ADAM22: variants seen among roughly 807,000 people sequenced by gnomAD.
ADAM22 encodes ADAM metallopeptidase domain 22.
A neutral mutation model predicts 144.6 loss-of-function variants in ADAM22; 65 were observed. That is an observed-to-expected ratio of 0.45 (90% CI 0.37 to 0.55). ADAM22 has a LOEUF of 0.55. Ranked by LOEUF, ADAM22 falls within the 20% of genes least tolerant of loss-of-function variation. The pLI is 0.00. For synonymous variants in ADAM22, 391 were observed against 412.6 expected, an observed-to-expected ratio of 0.95 and a Z score of 0.63; for missense variants, 974 against 1,184.9, an observed-to-expected ratio of 0.82 and a Z score of 2.61.
At chr7:88,071,908 A>G (rs141755948) in intron 3 of ADAM22, among the ~76,000 whole-genome samples, 180 of 152,202 alleles carry the variant, frequency 1.2e-3, no homozygotes, top group African/African-American at 4.0e-3. Flanking sequence ...ATTTTCCTAC[A>G]CTTAAAATGA....
chr7:87,937,518 C>G (rs903894126), intron 2 of ADAM22, among the ~76,000 whole-genome samples: 10 of 152,298 alleles, frequency 6.6e-5, no homozygotes, highest in African/African-American at 2.4e-4. Context: ...GAATCTCTGA[C>G]TCATGCTGGA....
rs184840102 is a variant in ADAM22, at chr7:88,201,880, A to G, written c.*5389A>G. 4.5e-4 allele frequency: 68 copies of G among 152,282 alleles called. No homozygotes were observed. Among genetic ancestry groups the G allele is most frequent in the African/African-American group, 1.5e-3 (61 of 41,566 alleles). 9.4% of individuals were successfully genotyped at this position (152,282 alleles called of 1,614,324 possible). ...CTTTCTTGTAAAAAATGTTATATAT[A>G]TATAATATTCTGATCTGCATTCACC... On this transcript the variant is annotated 3_prime_UTR_variant, in exon 32 of 32. Transcript: ENST00000413139.
intron 2 of ADAM22, among the ~76,000 whole-genome samples, chr7:87,958,587 T>C (rs780499890): frequency 1.8e-4 from 27 of 152,122 alleles, no homozygotes; most frequent in Non-Finnish European, 3.1e-4. Flanking sequence ...GGTTTCACCA[T>C]GTTGGCCAGG....
intron 26 of ADAM22, among the ~76,000 whole-genome samples, chr7:88,172,496 G>A (rs759831387): frequency 4.3e-4 from 66 of 151,768 alleles, no homozygotes; most frequent in Non-Finnish European, 1.6e-4. Flanking sequence ...CTTGTGACAG[G>A]TTATGAATAA....
At chr7:87,947,364 GA>G (rs1843941375) in intron 2 of ADAM22, among the ~76,000 whole-genome samples, 1 of 152,124 alleles carries the variant, frequency 6.6e-6, no homozygotes, top group Non-Finnish European at 1.5e-5. Flanking sequence ...AACTTGGACA[GA>G]TATTGAGTGA....
chr7:88,167,260 C>A (rs973053465), intron 24 of ADAM22, among the ~76,000 whole-genome samples: 1 of 152,132 alleles, frequency 6.6e-6, no homozygotes, highest in African/African-American at 2.4e-5. Flanking sequence ...GCAAAACAGG[C>A]CTTCTGGTGT....
rs144627359 is a variant in ADAM22, at chr7:87,992,910, G to T, written c.323+14498G>T. On this transcript the variant is annotated intron_variant, in intron 3 of 31. Coordinates refer to ENST00000413139, the MANE Select transcript of ADAM22 (RefSeq NM_001324418.2). Reference sequence around the variant, plus strand: ...CACCAAAACTTCAGAGGTCTCGTTGGCTAGAACTGGGTCAAAACTCCTCTT... The same window carrying T: ...CACCAAAACTTCAGAGGTCTCGTTGTCTAGAACTGGGTCAAAACTCCTCTT... 2.0e-3 allele frequency among the ~76,000 whole-genome samples: 298 copies of T among 152,172 alleles called. 1 individual carries two copies. Among genetic ancestry groups the T allele is most frequent in the African/African-American group, 6.9e-3 (286 of 41,520 alleles).
chr7:88,115,228 A>G (rs1015902444), intron 6 of ADAM22, among the ~76,000 whole-genome samples: 2 of 152,170 alleles, frequency 1.3e-5, no homozygotes, highest in African/African-American at 4.8e-5. Flanking sequence ...AAACAAACAA[A>G]CAAACAAACA....
intron 3 of ADAM22, among the ~76,000 whole-genome samples, chr7:88,060,746 G>A (rs192102250): frequency 3.5e-5 from 5 of 142,648 alleles, no homozygotes; most frequent in Admixed American, 2.9e-4. Context: ...CACCCTGGGC[G>A]ACAGAATGAG....
chr7:87,976,830 A>G (rs908961962), intron 2 of ADAM22, among the ~76,000 whole-genome samples: 1 of 151,580 alleles, frequency 6.6e-6, no homozygotes, highest in Non-Finnish European at 1.5e-5. Context: ...GAAGGTGATT[A>G]TGGAAGATCC....
chr7:88,107,900 T>C (rs551013277), intron 4 of ADAM22, among the ~76,000 whole-genome samples: 1 of 152,296 alleles, frequency 6.6e-6, no homozygotes, highest in South Asian at 2.1e-4. Context: ...TCCCCATGTG[T>C]ATTTCAATAT....
chr7:87,974,909 C>T (rs1405823259), intron 2 of ADAM22, among the ~76,000 whole-genome samples: 1 of 152,136 alleles, frequency 6.6e-6, no homozygotes, highest in African/African-American at 2.4e-5. Context: ...TCTCTACTTC[C>T]ACCATCATAC....
At chr7:87,982,840 C>T (rs952582935) in intron 3 of ADAM22, among the ~76,000 whole-genome samples, 6 of 150,322 alleles carry the variant, frequency 4.0e-5, no homozygotes, top group Non-Finnish European at 5.9e-5. Flanking sequence ...AATTACAGTG[C>T]ACCACAACAC....
chr7:88,075,926 G>A (rs1814320888), intron 4 of ADAM22, among the ~76,000 whole-genome samples: 1 of 152,162 alleles, frequency 6.6e-6, no homozygotes, highest in African/African-American at 2.4e-5. Flanking sequence ...TTGTAGGATT[G>A]CTATAGCTGC....
intron 29 of ADAM22, among the ~76,000 whole-genome samples, chr7:88,184,606 A>AT (rs977909154): frequency 3.2e-4 from 48 of 150,212 alleles, no homozygotes; most frequent in South Asian, 1.7e-3. Context: ...ATCTAACGCC[A>AT]TTTTTTTTTG....
At chr7:87,935,504 G>A (rs1398640602) in intron 2 of ADAM22, among the ~76,000 whole-genome samples, 2 of 152,148 alleles carry the variant, frequency 1.3e-5, no homozygotes, top group African/African-American at 2.4e-5. Flanking sequence ...CAGCGAGAAG[G>A]GAGGTAGTAT....
intron 3 of ADAM22, among the ~76,000 whole-genome samples, chr7:88,053,595 A>AAG (rs1563114046): frequency 0.024 from 703 of 29,200 alleles, 4 homozygotes; most frequent in African/African-American, 0.091. Flanking sequence ...AAGGAAGGAA[A>AAG]GAAAGAAAGA....
At chr7:88,141,756 C>A (rs1834755912) in intron 14 of ADAM22, among the ~76,000 whole-genome samples, 1 of 151,866 alleles carries the variant, frequency 6.6e-6, no homozygotes, top group South Asian at 2.1e-4. Flanking sequence ...TAATATATAT[C>A]ACAGTTTAGT....
intron 2 of ADAM22, among the ~76,000 whole-genome samples, chr7:87,948,635 A>G (rs757391691): frequency 6.6e-6 from 1 of 152,164 alleles, no homozygotes; most frequent in Non-Finnish European, 1.5e-5. Context: ...CAGGATAGGG[A>G]TCCATTGCTA....
Sources: allele counts gnomAD v4.1 joint callset (sites outside exome capture counted in the v4.1 genomes callset), GRCh38; gene constraint gnomAD v4.1.1; transcripts MANE v1.5; gene names NCBI Gene and HGNC (gene_info 2026-07-23, HGNC 2026-07-21).